CLSTN3: variants seen among roughly 807,000 people sequenced by gnomAD.
The protein encoded by CLSTN3 is calsyntenin-3.
CLSTN3 carries 36 observed loss-of-function variants against 95.9 expected under a neutral mutation model. The ratio of observed to expected loss-of-function variants is 0.38; its 90% CI spans 0.29 to 0.50. CLSTN3 has a LOEUF of 0.50. Ranked by LOEUF, CLSTN3 falls within the 20% of genes least tolerant of loss-of-function variation. CLSTN3 has a pLI of 0.95. For synonymous variants in CLSTN3, 481 were observed against 504.0 expected (o/e 0.95, Z 0.61); for missense variants, 1,084 against 1,268.8 (o/e 0.85, Z 2.21).
At chr12:7,145,723 C>G (rs1406523466) in intron 12 of CLSTN3, among the ~76,000 whole-genome samples, 1 of 152,186 alleles carries the variant, frequency 6.6e-6, no homozygotes, top group Non-Finnish European at 1.5e-5. Flanking sequence ...TCTGCTAGCA[C>G]CTCAACCGAA....
At chr12:7,131,832 G>A in intron 1 of CLSTN3, 1 of 456,452 alleles carries the variant, frequency 2.2e-6, no homozygotes, top group Non-Finnish European at 4.4e-6. Flanking sequence ...GGTTATGGTG[G>A]TCATCAGTAA....
chr12:7,157,359 TC>T lies in CLSTN3; in HGVS notation c.2528-129del, dbSNP rs1939835181. 1 of 747,130 alleles carries T rather than the reference TC, an allele frequency of 1.3e-6. No homozygotes were observed. Among genetic ancestry groups the T allele is most frequent in the Non-Finnish European group, 2.1e-6 (1 of 481,192 alleles). 46.3% of individuals were successfully genotyped at this position (747,130 alleles called of 1,614,324 possible). A position where few individuals can be genotyped will look rare whatever the true frequency, so the allele number is the denominator to read the frequency against. ...CTGGCTTCTCCAGGTGTTCCTCTCT[TC>T]TCGGCCACCGTGTGTTCTGCCCTGG... On this transcript the variant is annotated intron_variant, in intron 16 of 17. Coordinates refer to ENST00000266546, the MANE Select transcript of CLSTN3 (RefSeq NM_014718.4). This position sits in a 1 kb window ranked among gnomAD's most constrained non-coding sequence, Gnocchi z 5.9.
In CLSTN3 at chr12:7,133,710, A is replaced by T. The variant is rs760494012; in HGVS notation, c.325A>T (p.Ile109Phe). The change falls in exon 3 of 18, where the codon ATC (isoleucine) becomes TTC (phenylalanine). Residue 109 changes from isoleucine to phenylalanine, a missense_variant. Ile to Phe is a conservative substitution (Grantham distance 21). Transcript: ENST00000266546. This position sits in a 1 kb window ranked among gnomAD's most constrained non-coding sequence, Gnocchi z 4.7. ...GGCCCAGAAGGAACACACCTTCACC[A>T]TCCAGGCCTATGACTGTGGCGAGGG... ...CEAQKEHTFT[I>F]QAYDCGEGPD... is the part of the protein sequence containing the mutation. 3 of 1,613,108 alleles carry T rather than the reference A, an allele frequency of 1.9e-6. No homozygotes were observed. The South Asian group carries it at 3.3e-5, about 18-fold the overall frequency.
In CLSTN3 at chr12:7,142,752, CTTTT is replaced by C. The variant is rs543988200; in HGVS notation, c.1541-113_1541-110del. On this transcript the variant is annotated intron_variant, in intron 10 of 17. Coordinates refer to ENST00000266546, the MANE Select transcript of CLSTN3 (RefSeq NM_014718.4). ...TTTTTTTTTGGTTTCCACATTTCTCCTTTTTTTCTTTCTCAACTCTTCTGCTCTT... is the reference window on the plus strand; with the variant it reads ...TTTTTTTTTGGTTTCCACATTTCTCCTTTCTTTCTCAACTCTTCTGCTCTT... The C allele has an allele frequency of 3.9e-4, 219 of 562,530 alleles. No homozygotes were observed. In the Middle Eastern group the frequency reaches 4.4e-3, roughly 11 times the overall value. The allele number at this position is 562,530 out of a possible 1,614,324, so 34.8% of individuals were successfully genotyped here.
intron 1 of CLSTN3, 92 bp from the exon 2 acceptor site, chr12:7,132,931 TG>T: frequency 6.4e-7 from 1 of 1,562,086 alleles, no homozygotes; most frequent in Non-Finnish European, 8.8e-7. Context: ...GTGATGGTGC[TG>T]GGGTGTGAGT....
At position 7,149,796 on chromosome 12, in the gene CLSTN3, G is replaced by T. The variant is rs774838661; in HGVS notation, c.2245+103G>T. ...TCCTCCTTCCAGGTCCAGGGATGTG[G>T]ACAAGTGCCGTTTTGCATTTTCCTA... On this transcript the variant is annotated intron_variant, in intron 14 of 17. Coordinates refer to ENST00000266546, the MANE Select transcript of CLSTN3 (RefSeq NM_014718.4). The surrounding 1 kb of genome is among the most constrained non-coding windows in gnomAD (Gnocchi z 4.5). The T allele has an allele frequency of 5.4e-6, 6 of 1,101,104 alleles. No individual in the cohort carries two copies. The Admixed American group carries it at 1.4e-4, about 25-fold the overall frequency. The allele number at this position is 1,101,104 out of a possible 1,614,324, so 68.2% of individuals were successfully genotyped here. A position where few individuals can be genotyped will look rare whatever the true frequency, so the allele number is the denominator to read the frequency against.
Position 7,133,875 on chromosome 12 carries a change from C to T in CLSTN3, c.383+107C>T. 1 of 922,544 alleles carries T rather than the reference C, an allele frequency of 1.1e-6. No individual in the cohort carries two copies. Among genetic ancestry groups the T allele is most frequent in the South Asian group, 1.7e-5 (1 of 57,732 alleles). 57.1% of individuals were successfully genotyped at this position (922,544 alleles called of 1,614,324 possible). On this transcript the variant is annotated intron_variant, in intron 3 of 17. Transcript: ENST00000266546. The surrounding 1 kb of genome is among the most constrained non-coding windows in gnomAD (Gnocchi z 4.7). ...GTCATCGAATATCCACCCCCACCCGCTGCTGTTCCTAGGACTTAGGGAGCC... is the reference window on the plus strand; with the variant it reads ...GTCATCGAATATCCACCCCCACCCGTTGCTGTTCCTAGGACTTAGGGAGCC...
In CLSTN3 at chr12:7,133,183, C is replaced by T. The variant is rs200482421; in HGVS notation, c.187+37C>T. 6.4e-7 allele frequency: 1 copy of T among 1,571,454 alleles called. No individual in the cohort carries two copies. The highest frequency in any genetic ancestry group is 2.4e-5 in the East Asian group (1 of 42,116). On this transcript the variant is annotated intron_variant, in intron 2 of 17. Coordinates refer to ENST00000266546, the MANE Select transcript of CLSTN3 (RefSeq NM_014718.4). This position sits in a 1 kb window ranked among gnomAD's most constrained non-coding sequence, Gnocchi z 4.7. ...TGGGGGATGGCAAGGCAGGGTAGGA[C>T]AGAGAAAAGTGGGTGGGAGGGCCAA... is the stretch of plus-strand genomic sequence containing the variant.
upstream of CLSTN3, chr12:7,129,864 C>A: frequency 1.0e-6 from 1 of 965,506 alleles, no homozygotes; most frequent in Non-Finnish European, 1.2e-6. This position sits in a 1 kb window ranked among gnomAD's most constrained non-coding sequence, Gnocchi z 5.5. Context: ...CCTGCCCCTC[C>A]TTGGGTCCCA....
At chr12:7,151,488 T>G (rs1939723158) in intron 16 of CLSTN3, among the ~76,000 whole-genome samples, 1 of 152,226 alleles carries the variant, frequency 6.6e-6, no homozygotes, top group African/African-American at 2.4e-5. Flanking sequence ...ATAGGATAGA[T>G]CAGTCCCTAT....
At position 7,136,812 on chromosome 12, in the gene CLSTN3, T is replaced by C; in HGVS notation, c.929-17T>C. 6.2e-7 allele frequency: 1 copy of C among 1,611,836 alleles called. No homozygotes were observed. The highest frequency in any genetic ancestry group is 8.5e-7 in the Non-Finnish European group (1 of 1,178,142). On this transcript the variant is annotated splice_polypyrimidine_tract_variant and intron_variant, in intron 6 of 17. Coordinates refer to ENST00000266546, the MANE Select transcript of CLSTN3 (RefSeq NM_014718.4). ...GCTTCTTGGCTCTGACACTTGTGCC[T>C]CCTGGGGCTCCCACAGGTGCTGCCA... is the stretch of plus-strand genomic sequence containing the variant.
chr12:7,154,217 C>T (rs1165677335), intron 16 of CLSTN3, among the ~76,000 whole-genome samples: 7 of 152,302 alleles, frequency 4.6e-5, no homozygotes, highest in African/African-American at 1.2e-4. Context: ...CTACAAATCT[C>T]GAGTGGTGTT....
rs1442311800 is a variant in CLSTN3 at position 7,141,139 on chromosome 12, A to G, written c.1324-103A>G. ...AAGCCCTGTTGGTAGAACTGGGAAT[A>G]AAGGGACTGTCCCCTGTCTCCCAGG... On this transcript the variant is annotated intron_variant, in intron 8 of 17. Transcript: ENST00000266546. The surrounding 1 kb of genome is among the most constrained non-coding windows in gnomAD (Gnocchi z 4.1). 10 of 1,253,746 alleles carry G rather than the reference A, an allele frequency of 8.0e-6. No homozygotes were observed. Among genetic ancestry groups the G allele is most frequent in the Non-Finnish European group, 1.1e-5 (10 of 896,134 alleles). 77.7% of individuals were successfully genotyped at this position (1,253,746 alleles called of 1,614,324 possible).
In CLSTN3 at chr12:7,136,246, C is replaced by A. The variant is rs754622582; in HGVS notation, c.783C>A (p.Ser261Arg). Reference protein sequence around the residue: ...KRIEYAPGAGSLALFPGIRLE... With the variant: ...KRIEYAPGAGRLALFPGIRLE... ...TCGAATATGCACCAGGTGCTGGGAG[C>A]TTGGCTTTGTTCCCTGGTATCCGCC... is the stretch of plus-strand genomic sequence containing the variant. Residue 261 changes from serine (S) to arginine (R), a missense_variant, in exon 6 of 18, where the codon AGC becomes AGA. Coordinates refer to ENST00000266546, the MANE Select transcript of CLSTN3 (RefSeq NM_014718.4). The A allele has an allele frequency of 6.2e-7, 1 of 1,614,196 alleles. No homozygotes were observed. The highest frequency in any genetic ancestry group is 1.7e-5 in the Admixed American group (1 of 60,034).
Position 7,137,173 on chromosome 12 carries a change from C to T in CLSTN3, c.1210+63C>T. ...CTGGCTTCTTGTCCCGCCTCTGTCA[C>T]TGCCCAGTGTGTGACTGTGAACAGG... On this transcript the variant is annotated intron_variant, in intron 7 of 17. Coordinates refer to ENST00000266546, the MANE Select transcript of CLSTN3 (RefSeq NM_014718.4). The surrounding 1 kb of genome is among the most constrained non-coding windows in gnomAD (Gnocchi z 4.4). 6.6e-7 allele frequency: 1 copy of T among 1,518,800 alleles called. No homozygotes were observed. 94.1% of individuals were successfully genotyped at this position (1,518,800 alleles called of 1,614,324 possible).
chr12:7,146,416 G>GA (rs201904667), intron 12 of CLSTN3, among the ~76,000 whole-genome samples: 37 of 150,356 alleles, frequency 2.5e-4, no homozygotes, highest in South Asian at 4.2e-4. Flanking sequence ...ATTAGAGAGA[G>GA]AGAAAAAAAA....
At chr12:7,152,051 C>T (rs1162414881) in intron 16 of CLSTN3, among the ~76,000 whole-genome samples, 21 of 134,204 alleles carry the variant, frequency 1.6e-4, no homozygotes, top group African/African-American at 5.9e-4. Context: ...AAGGCTCTGT[C>T]TCAAAGGAAA....
rs913929050 is a variant in CLSTN3, at chr12:7,139,742, G to A, written c.1324-1500G>A. 2.0e-5 allele frequency among the ~76,000 whole-genome samples: 3 copies of A among 151,836 alleles called. No individual in the cohort carries two copies. In the South Asian group the frequency reaches 6.2e-4, roughly 32 times the overall value. On this transcript the variant is annotated intron_variant, in intron 8 of 17. Coordinates refer to ENST00000266546, the MANE Select transcript of CLSTN3 (RefSeq NM_014718.4). The stretch of plus-strand genomic sequence containing the variant: ...TGGCTCACTGCAACCTCGGCCTCCC[G>A]GGTTCAAGAGATTCTCCTGCCTCAG...
Position 7,133,564 on chromosome 12 carries a change from C to G in CLSTN3, c.188-9C>G, listed in dbSNP as rs892461185. On this transcript the variant is annotated splice_polypyrimidine_tract_variant and intron_variant, in intron 2 of 17. Coordinates refer to ENST00000266546, the MANE Select transcript of CLSTN3 (RefSeq NM_014718.4). This position sits in a 1 kb window ranked among gnomAD's most constrained non-coding sequence, Gnocchi z 4.7. ...GCAGCCTCACTCCTCCCCTTCTCCC[C>G]TTTGCCAGGTGAGATCTGCGGCTTC... The G allele has an allele frequency of 3.7e-6, 6 of 1,613,644 alleles. No homozygotes were observed. The highest frequency in any genetic ancestry group is 5.1e-6 in the Non-Finnish European group (6 of 1,179,910).
Sources: gnomAD v4.1 joint callset for allele counts (sites outside exome capture counted in the v4.1 genomes callset) on GRCh38, gnomAD v4.1.1 for gene constraint, Gnocchi (gnomAD v3.1) non-coding constraint, MANE v1.5 for transcripts, NCBI Gene and HGNC (gene_info 2026-07-23, HGNC 2026-07-21) for gene names.